LHFPL6: variants seen among roughly 807,000 people sequenced by gnomAD.
The protein encoded by LHFPL6 is LHFPL tetraspan subfamily member 6 protein.
A neutral mutation model predicts 20.6 loss-of-function variants in LHFPL6; 9 were observed. That is an observed-to-expected ratio of 0.44 (90% CI 0.26 to 0.76). The LOEUF (loss-of-function observed/expected upper bound fraction) is 0.76. LHFPL6 is among the 30% of genes least tolerant of loss of function. The pLI, the probability that LHFPL6 is intolerant of heterozygous loss-of-function variation, is 0.20. For missense variants in LHFPL6, 218 were observed against 253.5 expected (o/e 0.86, Z 0.95); for synonymous variants, 105 against 98.7 (o/e 1.06, Z -0.38).
chr13:39,439,158 C>T (rs1315676147), intron 2 of LHFPL6, among the ~76,000 whole-genome samples: 4 of 152,238 alleles, frequency 2.6e-5, no homozygotes, highest in African/African-American at 9.6e-5. Context: ...GGTGGAATGG[C>T]CCAAGGCTTT....
At chr13:39,401,517 C>G (rs745912875) in intron 2 of LHFPL6, among the ~76,000 whole-genome samples, 1 of 152,290 alleles carries the variant, frequency 6.6e-6, no homozygotes, top group Non-Finnish European at 1.5e-5. Flanking sequence ...TTCCAGCAGT[C>G]ATTACTAGGC....
intron 2 of LHFPL6, among the ~76,000 whole-genome samples, chr13:39,442,484 T>C (rs1872166717): frequency 6.6e-6 from 1 of 152,088 alleles, no homozygotes; most frequent in African/African-American, 2.4e-5. Flanking sequence ...CTTTGGAAAG[T>C]GCTAAAGGGT....
chr13:39,601,297 G>GATTCTGTTCTACTTTACAGAAT lies in LHFPL6; in HGVS notation c.-82_-81insATTCTGTAAAGTAGAACAGAAT. ...TGAATGAAGGTGTGAAATCACCAGG[G>GATTCTGTTCTACTTTACAGAAT]ACCCACAGATAATCCACAGTTCCGT... On this transcript the variant is annotated 5_prime_UTR_variant, in exon 2 of 4. An upstream open reading frame in the 5' UTR gains an earlier in-frame stop. Coordinates refer to ENST00000379589, the MANE Select transcript of LHFPL6 (RefSeq NM_005780.3). 2 of 1,397,864 alleles carry GATTCTGTTCTACTTTACAGAAT rather than the reference G, an allele frequency of 1.4e-6. No homozygotes were observed. The highest frequency in any genetic ancestry group is 1.9e-6 in the Non-Finnish European group (2 of 1,037,032). 86.6% of individuals were successfully genotyped at this position (1,397,864 alleles called of 1,614,324 possible). A position where few individuals can be genotyped will look rare whatever the true frequency, so the allele number is the denominator to read the frequency against.
intron 2 of LHFPL6, among the ~76,000 whole-genome samples, chr13:39,503,115 G>A (rs1869351940): frequency 6.6e-6 from 1 of 152,074 alleles, no homozygotes; most frequent in African/African-American, 2.4e-5. Context: ...CCAGAACTCT[G>A]GGTGGTTCCA....
intron 2 of LHFPL6, among the ~76,000 whole-genome samples, chr13:39,508,016 T>G (rs1287348246): frequency 6.6e-6 from 1 of 151,102 alleles, no homozygotes; most frequent in East Asian, 2.0e-4. Context: ...TGTTATTAAG[T>G]TGTAATTTAC....
In LHFPL6 at chr13:39,453,714, C is replaced by G. The variant is rs374176005; in HGVS notation, c.386-75188G>C. On this transcript the variant is annotated intron_variant, in intron 2 of 3. Transcript: ENST00000379589. The stretch of plus-strand genomic sequence containing the variant: ...TGATATAAAGTGAGTCCCTTGCCTT[C>G]CCTGGGCAGGTAGTCCATTCATTTG... Among the ~76,000 whole-genome samples, 104 of 152,276 alleles carry G rather than the reference C, an allele frequency of 6.8e-4. 1 individual carries two copies. Among genetic ancestry groups the G allele is most frequent in the African/African-American group, 2.1e-3 (88 of 41,548 alleles).
chr13:39,529,202 C>T (rs1480869225), intron 2 of LHFPL6, among the ~76,000 whole-genome samples: 1 of 152,102 alleles, frequency 6.6e-6, no homozygotes, highest in African/African-American at 2.4e-5. Flanking sequence ...AGTGATTCTC[C>T]TGCTTCAGTC....
At chr13:39,390,938 A>C (rs1870693410) in intron 2 of LHFPL6, among the ~76,000 whole-genome samples, 1 of 152,202 alleles carries the variant, frequency 6.6e-6, no homozygotes. Context: ...TGGAGGTTGC[A>C]GTGAGCTGAG....
chr13:39,563,511 G>A (rs1362164615), intron 2 of LHFPL6, among the ~76,000 whole-genome samples: 1 of 152,150 alleles, frequency 6.6e-6, no homozygotes, highest in Admixed American at 6.6e-5. Context: ...TGAGGCAAGG[G>A]AGCAAAAATA....
chr13:39,386,603 G>A (rs1316807147), intron 2 of LHFPL6, among the ~76,000 whole-genome samples: 1 of 152,196 alleles, frequency 6.6e-6, no homozygotes, highest in African/African-American at 2.4e-5. Context: ...CATAATCTGA[G>A]TTCAACCAGA....
intron 2 of LHFPL6, among the ~76,000 whole-genome samples, chr13:39,402,586 G>A (rs1417646288): frequency 1.1e-4 from 16 of 152,134 alleles, no homozygotes; most frequent in Admixed American, 1.0e-3. Flanking sequence ...AATGGCATAT[G>A]TAGTCCAAAC....
intron 3 of LHFPL6, among the ~76,000 whole-genome samples, chr13:39,361,312 A>T (rs113107948): frequency 0.4 from 20,079 of 50,274 alleles, 7,761 homozygotes; most frequent in East Asian, 0.74. Flanking sequence ...AATTTTTTTT[A>T]ATTTTTTTTA....
At chr13:39,474,006 G>C (rs765289110) in intron 2 of LHFPL6, among the ~76,000 whole-genome samples, 1 of 152,234 alleles carries the variant, frequency 6.6e-6, no homozygotes, top group Non-Finnish European at 1.5e-5. Flanking sequence ...TTAGGACAGA[G>C]TTTGGGGAAA....
At chr13:39,512,344 T>C (rs2138476162) in intron 2 of LHFPL6, among the ~76,000 whole-genome samples, 1 of 152,330 alleles carries the variant, frequency 6.6e-6, no homozygotes, top group African/African-American at 2.4e-5. Context: ...GGCTCACGCC[T>C]GTAATCCCAG....
chr13:39,372,443 G>A lies in LHFPL6; in HGVS notation c.484+5985C>T, dbSNP rs146463872. Among the ~76,000 whole-genome samples the A allele has an allele frequency of 1.9e-3, 290 of 152,104 alleles. 1 individual carries two copies. Among genetic ancestry groups the A allele is most frequent in the African/African-American group, 6.5e-3 (269 of 41,532 alleles). On this transcript the variant is annotated intron_variant, in intron 3 of 3. Coordinates refer to ENST00000379589, the MANE Select transcript of LHFPL6 (RefSeq NM_005780.3). ...ATCACACTGGATACTTGTTTAAACC[G>A]CAAAAGAAAGAATTATGCAGCCTGT...
At chr13:39,509,748 C>A (rs7990112) in intron 2 of LHFPL6, among the ~76,000 whole-genome samples, 38,453 of 151,748 alleles carry the variant, frequency 0.25, 5,579 homozygotes, top group African/African-American at 0.4. Context: ...TCCCTTGAGT[C>A]CAGAAATTTG....
intron 2 of LHFPL6, among the ~76,000 whole-genome samples, chr13:39,399,022 A>T (rs974793616): frequency 6.6e-6 from 1 of 152,174 alleles, no homozygotes; most frequent in Non-Finnish European, 1.5e-5. Flanking sequence ...ATCATTCGAC[A>T]CAAGTGTGGC....
In LHFPL6 at chr13:39,438,649, G is replaced by A. The variant is rs535911419; in HGVS notation, c.386-60123C>T. 4.6e-5 allele frequency among the ~76,000 whole-genome samples: 7 copies of A among 152,330 alleles called. No homozygotes were observed. In the South Asian group the frequency reaches 1.2e-3, roughly 27 times the overall value. On this transcript the variant is annotated intron_variant, in intron 2 of 3. Transcript: ENST00000379589. ...GAATGGTTTGTTGGGCTAGGCCCAG[G>A]GCCTCACTGCCCTCTGCAGACTCAG...
chr13:39,423,944 T>A (rs143438354), intron 2 of LHFPL6, among the ~76,000 whole-genome samples: 1 of 152,040 alleles, frequency 6.6e-6, no homozygotes, highest in Admixed American at 6.6e-5. Flanking sequence ...GTAAAACCAA[T>A]TGAGAAACTG....
Sources: gnomAD v4.1 joint callset for allele counts (sites outside exome capture counted in the v4.1 genomes callset) on GRCh38, gnomAD v4.1.1 for gene constraint, MANE v1.5 for transcripts, NCBI Gene and HGNC (gene_info 2026-07-23, HGNC 2026-07-21) for gene names.